The following HFM1 variants were observed in gnomAD, a reference collection of about 807,000 sequenced individuals.
HFM1 encodes helicase for meiosis 1.
A neutral mutation model predicts 192.1 loss-of-function variants in HFM1; 169 were observed. The observed-to-expected ratio is 0.88, with a 90% CI of 0.78 to 1.00. The LOEUF (loss-of-function observed/expected upper bound fraction) is 1.00, where lower values mean the gene tolerates loss of function less well. HFM1 is among the 50% of genes least tolerant of loss of function. The pLI is 0.00. For missense variants in HFM1, 1,661 were observed against 1,668.0 expected, an observed-to-expected ratio of 1.00 and a Z score of 0.07; for synonymous variants, 525 against 537.8, an observed-to-expected ratio of 0.98 and a Z score of 0.33.
Position 91,378,399 on chromosome 1 carries a change from T to TA in HFM1, c.1236+3_1236+4insT, listed in dbSNP as rs781102994. On this transcript the variant is annotated splice_donor_region_variant and intron_variant, in intron 10 of 38. Transcript: ENST00000370425. ...TTATCTCTGAAAGCGAATGCATTCATTACCTCATCAATGAGAAACAGTCGA... is the reference window on the plus strand; with the variant it reads ...TTATCTCTGAAAGCGAATGCATTCATATACCTCATCAATGAGAAACAGTCGA... 2 of 1,586,028 alleles carry TA rather than the reference T, an allele frequency of 1.3e-6. No homozygotes were observed. The highest frequency in any genetic ancestry group is 2.2e-5 in the South Asian group (2 of 89,234).
At chr1:91,328,478 T>C (rs905165622) in intron 20 of HFM1, 36 of 1,613,480 alleles carry the variant, frequency 2.2e-5, no homozygotes, top group Non-Finnish European at 2.5e-5. Context: ...AAGGTGGCCA[T>C]TGATGCCTCT....
At chr1:91,360,584 G>A (rs1188761110) in intron 13 of HFM1, among the ~76,000 whole-genome samples, 1 of 152,050 alleles carries the variant, frequency 6.6e-6, no homozygotes. Context: ...CAGACTCCCA[G>A]ACAATAATAC....
At chr1:91,401,307 C>T (rs1163879170) in intron 1 of HFM1, among the ~76,000 whole-genome samples, 198 bp from the exon 2 acceptor site, 1 of 152,184 alleles carries the variant, frequency 6.6e-6, no homozygotes, top group African/African-American at 2.4e-5. Context: ...TTCATGGATT[C>T]ACACTTGCTC....
At chr1:91,364,632 A>ATTTTTTTTTT (rs61550398) in intron 13 of HFM1, among the ~76,000 whole-genome samples, 5 of 66,814 alleles carry the variant, frequency 7.5e-5, no homozygotes, top group African/African-American at 3.2e-4. Flanking sequence ...ATATATATAT[A>ATTTTTTTTTT]TTTTTTTTTT....
At chr1:91,359,320 C>T (rs1310975725) in intron 13 of HFM1, among the ~76,000 whole-genome samples, 1 of 152,028 alleles carries the variant, frequency 6.6e-6, no homozygotes, top group East Asian at 1.9e-4. Context: ...GCTAAAGGAG[C>T]ATGTTATAAC....
intron 30 of HFM1, among the ~76,000 whole-genome samples, chr1:91,300,986 AG>A (rs1263144565): frequency 6.6e-5 from 10 of 152,282 alleles, no homozygotes; most frequent in African/African-American, 2.4e-4. Context: ...GAAAAGAGGA[AG>A]TCAAATTGTC....
At chr1:91,345,932 A>G (rs1364638550) in intron 19 of HFM1, among the ~76,000 whole-genome samples, 1 of 152,128 alleles carries the variant, frequency 6.6e-6, no homozygotes, top group Admixed American at 6.6e-5. Flanking sequence ...CTCAACAACT[A>G]TCCATTTTTT....
At chr1:91,315,265 T>A (rs937050139) in intron 28 of HFM1, among the ~76,000 whole-genome samples, 1 of 152,162 alleles carries the variant, frequency 6.6e-6, no homozygotes, top group Non-Finnish European at 1.5e-5. Context: ...GCAACTGATA[T>A]CCTTAGAGAT....
At chr1:91,294,640 A>G (rs1442481970) in intron 30 of HFM1, among the ~76,000 whole-genome samples, 2 of 152,228 alleles carry the variant, frequency 1.3e-5, no homozygotes, top group African/African-American at 4.8e-5. Context: ...AAGAAGATCT[A>G]TAGTCTGCAA....
chr1:91,319,345 A>T lies in HFM1; in HGVS notation c.2628T>A (p.Ala876=), dbSNP rs755984509. The change falls in exon 24 of 39, where the codon GCT becomes GCA. Residue 876 remains alanine (A), a synonymous_variant. Coordinates refer to ENST00000370425, the MANE Select transcript of HFM1 (RefSeq NM_001017975.6). ...QLGCIPIQDF[A]LTQDTAKIFR... is the part of the protein sequence containing the mutation. ...AAATCTTTGCGGTATCTTGTGTCAAAGCAAAATCTTGTATGGGAATGCATC... is the reference window on the plus strand; with the variant it reads ...AAATCTTTGCGGTATCTTGTGTCAATGCAAAATCTTGTATGGGAATGCATC... 7.4e-6 allele frequency: 12 copies of T among 1,613,152 alleles called. No individual in the cohort carries two copies. Among genetic ancestry groups the T allele is most frequent in the Non-Finnish European group, 1.0e-5 (12 of 1,179,314 alleles).
intron 18 of HFM1, among the ~76,000 whole-genome samples, chr1:91,349,573 A>C (rs1288141481): frequency 6.6e-6 from 1 of 152,230 alleles, no homozygotes; most frequent in Non-Finnish European, 1.5e-5. Context: ...CAAAAGACTG[A>C]GGCCTGCCAA....
chr1:91,378,465 T>C lies in HFM1; in HGVS notation c.1174A>G (p.Met392Val), dbSNP rs1025372227. 6.2e-7 allele frequency: 1 copy of C among 1,600,518 alleles called. No homozygotes were observed. Among genetic ancestry groups the C allele is most frequent in the Admixed American group, 1.7e-5 (1 of 59,634 alleles). ...GAGTTGTCTCTCCATTTCCTAGTCA[T>C]GCTATCCCATTTTTCCTAGAGAGAA... ...IMTTPEKWDS[M>V]TRKWRDNSLV... The change falls in exon 10 of 39, where the codon ATG becomes GTG. Residue 392 changes from methionine (M) to valine (V), a missense_variant. Physicochemically the swap from Met to Val is conservative, Grantham distance 21. Coordinates refer to ENST00000370425, the MANE Select transcript of HFM1 (RefSeq NM_001017975.6).
At chr1:91,278,398 C>T (rs1205602519) in intron 30 of HFM1, among the ~76,000 whole-genome samples, 11 of 152,044 alleles carry the variant, frequency 7.2e-5, no homozygotes, top group Non-Finnish European at 1.2e-4. Flanking sequence ...CCTTGAAGGA[C>T]AGATGGAAAT....
intron 30 of HFM1, among the ~76,000 whole-genome samples, chr1:91,297,968 C>T (rs1425348624): frequency 3.9e-5 from 6 of 151,918 alleles, no homozygotes; most frequent in Non-Finnish European, 7.4e-5. Context: ...TGAGAGAAGG[C>T]TTCAGATGAT....
rs773246061 is a variant in HFM1, at chr1:91,378,488, G to GA, written c.1159-9dup. The GA allele has an allele frequency of 6.0e-5, 93 of 1,540,540 alleles. No homozygotes were observed. The highest frequency in any genetic ancestry group is 1.2e-4 in the South Asian group (10 of 85,926). On this transcript the variant is annotated splice_polypyrimidine_tract_variant and intron_variant, in intron 9 of 38. Coordinates refer to ENST00000370425, the MANE Select transcript of HFM1 (RefSeq NM_001017975.6). The stretch of plus-strand genomic sequence containing the variant: ...CATGCTATCCCATTTTTCCTAGAGA[G>GA]AAAAAAAAGCATACAAGTAGTTTAA...
chr1:91,310,804 T>A (rs1217303038), intron 30 of HFM1, among the ~76,000 whole-genome samples: 1 of 152,238 alleles, frequency 6.6e-6, no homozygotes, highest in Admixed American at 6.5e-5. Flanking sequence ...CATGTGATTC[T>A]GAGGCCTCCC....
intron 30 of HFM1, among the ~76,000 whole-genome samples, chr1:91,283,010 T>G (rs1667602656): frequency 6.6e-6 from 1 of 152,172 alleles, no homozygotes; most frequent in Admixed American, 6.5e-5. Flanking sequence ...TTGTCAGGAA[T>G]GAGGACTGTA....
intron 30 of HFM1, among the ~76,000 whole-genome samples, chr1:91,291,464 C>A (rs1179278948): frequency 6.6e-6 from 1 of 152,090 alleles, no homozygotes; most frequent in Admixed American, 6.6e-5. Context: ...GAAATGGATA[C>A]ATTCCTCGAC....
chr1:91,388,554 A>G (rs906888460), intron 4 of HFM1, among the ~76,000 whole-genome samples: 1 of 152,210 alleles, frequency 6.6e-6, no homozygotes, highest in African/African-American at 2.4e-5. Flanking sequence ...TCTACATGCA[A>G]AAAGAATGAG....
Sources: gnomAD v4.1 joint callset for allele counts (sites outside exome capture counted in the v4.1 genomes callset) on GRCh38, gnomAD v4.1.1 for gene constraint, MANE v1.5 for transcripts, NCBI Gene and HGNC (gene_info 2026-07-23, HGNC 2026-07-21) for gene names.